PACRG: variants seen among roughly 807,000 people sequenced by gnomAD.
The protein encoded by PACRG is parkin coregulated gene protein.
A neutral mutation model predicts 29.7 loss-of-function variants in PACRG; 29 were observed. The observed-to-expected ratio is 0.98, with a 90% CI of 0.73 to 1.33. The LOEUF (loss-of-function observed/expected upper bound fraction) is 1.33, where lower values mean the gene tolerates loss of function less well. Among genes scored for constraint, PACRG ranks in the 40% most tolerant of loss-of-function variants. The pLI is 0.00. For missense variants in PACRG, 279 were observed against 316.2 expected (o/e 0.88, Z 0.89); for synonymous variants, 116 against 118.7 (o/e 0.98, Z 0.15).
chr6:162,748,607 T>C (rs1306863879), intron 1 of PACRG, among the ~76,000 whole-genome samples: 1 of 152,182 alleles, frequency 6.6e-6, no homozygotes, highest in Non-Finnish European at 1.5e-5. Flanking sequence ...AAATCAATAA[T>C]TATTTTCTAA....
At position 163,001,212 on chromosome 6, in the gene PACRG, A is replaced by G. The variant is rs116376677; in HGVS notation, c.292-60938A>G. On this transcript the variant is annotated intron_variant, in intron 2 of 4. Transcript: ENST00000366888. ...CAATAACCTATTTGATGCACTGTCC[A>G]AAGAGTTAATGAAATCTGAACAAGG... Among the ~76,000 whole-genome samples the G allele has an allele frequency of 6.0e-3, 918 of 152,372 alleles. 12 individuals carry two copies. The highest frequency in any genetic ancestry group is 0.021 in the African/African-American group (887 of 41,592).
intron 2 of PACRG, among the ~76,000 whole-genome samples, chr6:162,985,887 TC>T (rs1802843424): frequency 6.6e-6 from 1 of 151,968 alleles, no homozygotes; most frequent in Non-Finnish European, 1.5e-5. Flanking sequence ...TGTACACAAG[TC>T]AGTAGCTCTG....
intron 4 of PACRG, among the ~76,000 whole-genome samples, chr6:163,093,450 A>G (rs1414500832): frequency 6.6e-6 from 1 of 152,228 alleles, no homozygotes; most frequent in African/African-American, 2.4e-5. Flanking sequence ...AATTAAAACA[A>G]TAGGAATCTT....
Position 163,315,384 on chromosome 6 carries a change from GACTGCTT to G in PACRG, c.*401_*407del, listed in dbSNP as rs1785609235. 6.3e-6 allele frequency: 1 copy of G among 159,124 alleles called. No individual in the cohort carries two copies. The highest frequency in any genetic ancestry group is 2.4e-5 in the African/African-American group (1 of 41,612). The allele number at this position is 159,124 out of a possible 1,614,324, so 9.9% of individuals were successfully genotyped here. ...AGGTTGTAAGGGAAGAGTTTATGCT[GACTGCTT>G]ACTAGGTGTTTGTCATGGAAGAGAA... On this transcript the variant is annotated 3_prime_UTR_variant, in exon 5 of 5. Transcript: ENST00000366888.
At chr6:163,131,315 CAAAAAAAAAAAAAA>C (rs55958953) in intron 4 of PACRG, among the ~76,000 whole-genome samples, 2 of 136,182 alleles carry the variant, frequency 1.5e-5, no homozygotes, top group Non-Finnish European at 3.1e-5. Context: ...CTGTCTCAAA[CAAAAAAAAAAAAAA>C]AAAAAAAAGA....
At chr6:163,175,931 A>G (rs1779334388) in intron 4 of PACRG, among the ~76,000 whole-genome samples, 1 of 152,220 alleles carries the variant, frequency 6.6e-6, no homozygotes, top group Non-Finnish European at 1.5e-5. Flanking sequence ...ATCATTCCCA[A>G]TCTAAAGCAC....
chr6:163,004,726 G>GTGTA (rs1397778335), intron 2 of PACRG, among the ~76,000 whole-genome samples: 19 of 136,046 alleles, frequency 1.4e-4, no homozygotes, highest in African/African-American at 3.7e-4. Context: ...GTGTGTGTGT[G>GTGTA]TATATATATA....
At chr6:163,250,412 A>G (rs1782858053) in intron 4 of PACRG, among the ~76,000 whole-genome samples, 1 of 152,174 alleles carries the variant, frequency 6.6e-6, no homozygotes, top group African/African-American at 2.4e-5. Flanking sequence ...GCTCCTCCAC[A>G]CTGCTTCTGC....
At chr6:163,147,545 C>T (rs1021071277) in intron 4 of PACRG, among the ~76,000 whole-genome samples, 5 of 152,140 alleles carry the variant, frequency 3.3e-5, no homozygotes, top group Admixed American at 3.3e-4. Context: ...TCTATTCTGA[C>T]TATAATATTT....
chr6:163,282,070 A>G (rs1784243141), intron 4 of PACRG, among the ~76,000 whole-genome samples: 1 of 152,230 alleles, frequency 6.6e-6, no homozygotes, highest in African/African-American at 2.4e-5. Context: ...GTCACTTGAA[A>G]AAAAGGGCAA....
At position 162,777,149 on chromosome 6, in the gene PACRG, C is replaced by T. The variant is rs906262943; in HGVS notation, c.157-36998C>T. Among the ~76,000 whole-genome samples, 5 of 152,202 alleles carry T rather than the reference C, an allele frequency of 3.3e-5. No individual in the cohort carries two copies. Among genetic ancestry groups the T allele is most frequent in the African/African-American group, 9.7e-5 (4 of 41,446 alleles). On this transcript the variant is annotated intron_variant, in intron 1 of 4. Coordinates refer to ENST00000366888, the MANE Select transcript of PACRG (RefSeq NM_001080379.2). The surrounding 1 kb of genome is among the most constrained non-coding windows in gnomAD (Gnocchi z 4.0). ...CTATTTCTCTGGGTGAATGTTCTGT[C>T]GCACACTTGCACAAACCCTGATCTC...
intron 2 of PACRG, among the ~76,000 whole-genome samples, chr6:162,923,776 T>C (rs1797229515): frequency 2.0e-5 from 3 of 152,188 alleles, no homozygotes; most frequent in Admixed American, 2.0e-4. Context: ...ATAATATATT[T>C]TGAAGTCAGG....
chr6:162,851,631 T>A (rs1429398706), intron 2 of PACRG, among the ~76,000 whole-genome samples: 1 of 152,222 alleles, frequency 6.6e-6, no homozygotes, highest in Non-Finnish European at 1.5e-5. Flanking sequence ...TTGCTTTTCT[T>A]TAATTGCCAG....
intron 2 of PACRG, among the ~76,000 whole-genome samples, chr6:163,033,363 C>T (rs1473999453): frequency 1.3e-5 from 2 of 152,082 alleles, no homozygotes; most frequent in African/African-American, 4.8e-5. Flanking sequence ...TCTAATGCTC[C>T]AAAATAAATG....
intron 2 of PACRG, among the ~76,000 whole-genome samples, chr6:162,935,627 C>A (rs1162128560): frequency 6.6e-6 from 1 of 151,504 alleles, no homozygotes; most frequent in African/African-American, 2.4e-5. Context: ...TCTTCTGTAA[C>A]CTGTTGAGTT....
intron 4 of PACRG, among the ~76,000 whole-genome samples, chr6:163,299,264 TACAA>T (rs1784896130): frequency 6.6e-6 from 1 of 152,208 alleles, no homozygotes; most frequent in Non-Finnish European, 1.5e-5. Context: ...GAAGCCAGTT[TACAA>T]ACAGACACTG....
intron 4 of PACRG, among the ~76,000 whole-genome samples, chr6:163,144,250 G>GAAA (rs1777692297): frequency 7.7e-6 from 1 of 130,184 alleles, no homozygotes; most frequent in Admixed American, 7.6e-5. Context: ...AAAAAAAAAA[G>GAAA]GGAAAAGTAG....
At chr6:163,031,378 T>G (rs1202915619) in intron 2 of PACRG, among the ~76,000 whole-genome samples, 3 of 152,236 alleles carry the variant, frequency 2.0e-5, no homozygotes, top group African/African-American at 7.2e-5. Context: ...GATTTTTACA[T>G]TACCCATCCC....
chr6:162,928,570 T>C (rs1309873153), intron 2 of PACRG, among the ~76,000 whole-genome samples: 1 of 152,064 alleles, frequency 6.6e-6, no homozygotes, highest in Non-Finnish European at 1.5e-5. Context: ...TCAGTGTGAC[T>C]GTGATATCCA....
Sources: gnomAD v4.1 joint callset for allele counts (sites outside exome capture counted in the v4.1 genomes callset) on GRCh38, gnomAD v4.1.1 for gene constraint, Gnocchi (gnomAD v3.1) non-coding constraint, MANE v1.5 for transcripts, NCBI Gene and HGNC (gene_info 2026-07-23, HGNC 2026-07-21) for gene names.